Variants in LPP observed in about 807,000 individuals in gnomAD.
The protein encoded by LPP is LIM domain containing preferred translocation partner in lipoma, also known as lipoma-preferred partner.
Under a neutral mutation model 60.4 loss-of-function variants are expected in LPP, and 38 were observed. The ratio of observed to expected loss-of-function variants is 0.63; its 90% CI spans 0.49 to 0.83. LPP has a LOEUF of 0.83. Ranked by LOEUF, LPP falls within the 40% of genes least tolerant of loss-of-function variation. The pLI is 0.00. For synonymous variants in LPP, 328 were observed against 290.8 expected, an observed-to-expected ratio of 1.13 and a Z score of -1.30; for missense variants, 902 against 783.6, an observed-to-expected ratio of 1.15 and a Z score of -1.80.
intron 8 of LPP, among the ~76,000 whole-genome samples, chr3:188,713,351 T>C (rs1712386284): frequency 6.6e-6 from 1 of 151,796 alleles, no homozygotes; most frequent in Non-Finnish European, 1.5e-5. Context: ...AGACATGCCA[T>C]TCAAATGCAA....
intron 2 of LPP, among the ~76,000 whole-genome samples, chr3:188,293,191 C>A (rs1335649886): frequency 1.3e-5 from 2 of 152,190 alleles, no homozygotes; most frequent in Non-Finnish European, 1.5e-5. Flanking sequence ...GCGCACAGCA[C>A]ATTATAGGTA....
chr3:188,589,145 C>A (rs543964894), intron 6 of LPP, among the ~76,000 whole-genome samples: 12 of 151,444 alleles, frequency 7.9e-5, no homozygotes, highest in Non-Finnish European at 1.8e-4. Flanking sequence ...TATATATGTA[C>A]ATATATATGT....
chr3:188,557,154 A>G lies in LPP; in HGVS notation c.429+32367A>G, dbSNP rs910513188. ...CTCTTATGTTGAATTCTTCTCATTC[A>G]TATTTCTATAAACTCAAATAATGGT... is the stretch of plus-strand genomic sequence containing the variant. On this transcript the variant is annotated intron_variant, in intron 6 of 11. Transcript: ENST00000617246. Among the ~76,000 whole-genome samples the G allele has an allele frequency of 2.6e-5, 4 of 152,044 alleles. No individual in the cohort carries two copies. In the East Asian group the frequency reaches 7.8e-4, roughly 30 times the overall value.
chr3:188,708,449 C>T (rs1325874590), intron 8 of LPP, 56 bp downstream of exon 8: 1 of 1,612,670 alleles, frequency 6.2e-7, no homozygotes, highest in Non-Finnish European at 8.5e-7. Flanking sequence ...GATTTCCTTC[C>T]TTAGTAATTG....
At chr3:188,483,325 T>C (rs1288969567) in intron 4 of LPP, among the ~76,000 whole-genome samples, 2 of 152,114 alleles carry the variant, frequency 1.3e-5, no homozygotes, top group African/African-American at 4.8e-5. Context: ...ACTCTTCCAT[T>C]CTTATACTTC....
chr3:188,507,415 G>T (rs1813853995), intron 5 of LPP, among the ~76,000 whole-genome samples: 1 of 151,980 alleles, frequency 6.6e-6, no homozygotes, highest in Admixed American at 6.5e-5. Flanking sequence ...GTTCATGGCA[G>T]TCTGGCATGT....
chr3:188,626,754 T>C (rs2151651858), intron 7 of LPP, among the ~76,000 whole-genome samples: 1 of 152,270 alleles, frequency 6.6e-6, no homozygotes, highest in African/African-American at 2.4e-5. Context: ...TTTCTCCAAA[T>C]ACAGTCACAA....
Position 188,754,861 on chromosome 3 carries a change from T to C in LPP, c.1241-5252T>C, listed in dbSNP as rs184655176. On this transcript the variant is annotated intron_variant, in intron 8 of 11. Coordinates refer to ENST00000617246, the MANE Select transcript of LPP (RefSeq NM_001375462.1). ...GTTAACATCATATGGGCCTGTCATATAAAGAATGCAAACTCATTCTGTTAT... is the reference window on the plus strand; with the variant it reads ...GTTAACATCATATGGGCCTGTCATACAAAGAATGCAAACTCATTCTGTTAT... 3.0e-3 allele frequency among the ~76,000 whole-genome samples: 456 copies of C among 152,332 alleles called. 3 individuals are homozygous for C. Among genetic ancestry groups the C allele is most frequent in the South Asian group, 0.011 (52 of 4,822 alleles).
intron 4 of LPP, among the ~76,000 whole-genome samples, chr3:188,478,805 G>A (rs1390475686): frequency 6.6e-6 from 1 of 152,058 alleles, no homozygotes; most frequent in East Asian, 1.9e-4. Flanking sequence ...GCCTAGGCTG[G>A]AGTACAGTGG....
At chr3:188,498,182 A>G (rs1004567911) in intron 5 of LPP, among the ~76,000 whole-genome samples, 13 of 152,156 alleles carry the variant, frequency 8.5e-5, no homozygotes, top group Admixed American at 5.2e-4. Context: ...TTGTAAAATT[A>G]TGGTAAAATA....
intron 7 of LPP, among the ~76,000 whole-genome samples, chr3:188,697,229 G>C (rs1441986268): frequency 6.6e-6 from 1 of 152,154 alleles, no homozygotes; most frequent in Non-Finnish European, 1.5e-5. Context: ...AAGTGTCTTG[G>C]ATTGCTGAGC....
At chr3:188,702,726 T>A (rs1449693481) in intron 7 of LPP, among the ~76,000 whole-genome samples, 1 of 152,220 alleles carries the variant, frequency 6.6e-6, no homozygotes, top group East Asian at 1.9e-4. Flanking sequence ...TTAAGATTGA[T>A]ACTTACAAGA....
intron 7 of LPP, among the ~76,000 whole-genome samples, chr3:188,690,250 C>T (rs2149463364): frequency 6.6e-6 from 1 of 152,250 alleles, no homozygotes; most frequent in African/African-American, 2.4e-5. Flanking sequence ...TCCTCTGGCT[C>T]CCGAGTCCAG....
At chr3:188,606,723 A>C (rs1842448016) in intron 6 of LPP, among the ~76,000 whole-genome samples, 1 of 152,146 alleles carries the variant, frequency 6.6e-6, no homozygotes, top group African/African-American at 2.4e-5. Context: ...GAGGACGTGG[A>C]AAAGGCATTT....
intron 1 of LPP, among the ~76,000 whole-genome samples, chr3:188,158,380 T>A (rs181507867): frequency 6.6e-6 from 1 of 152,226 alleles, no homozygotes; most frequent in East Asian, 1.9e-4. Flanking sequence ...GCGGAGAACC[T>A]GAGGGCAAGG....
At chr3:188,642,477 T>C (rs1227314847) in intron 7 of LPP, among the ~76,000 whole-genome samples, 1 of 152,142 alleles carries the variant, frequency 6.6e-6, no homozygotes, top group African/African-American at 2.4e-5. Context: ...CCTCATACAG[T>C]ATTTGGTGAA....
At chr3:188,427,016 TGTTA>T (rs942957765) in intron 4 of LPP, among the ~76,000 whole-genome samples, 3 of 152,158 alleles carry the variant, frequency 2.0e-5, no homozygotes, top group African/African-American at 7.2e-5. Flanking sequence ...TTATTTTCCC[TGTTA>T]GTTGATGCAG....
chr3:188,372,495 G>C (rs1346671214), intron 3 of LPP, among the ~76,000 whole-genome samples: 1 of 151,994 alleles, frequency 6.6e-6, no homozygotes, highest in Non-Finnish European at 1.5e-5. Flanking sequence ...GGAGTGTCTT[G>C]TTGTAAGAAA....
chr3:188,609,206 A>G lies in LPP; in HGVS notation c.475A>G (p.Thr159Ala). The stretch of plus-strand genomic sequence containing the variant: ...CTCTCCTCCAGTTTCGACCCCAGTC[A>G]CAGGACACAAGAGAATGGTCATCCC... ...TASPPVSTPV[T>A]GHKRMVIPNQ... Residue 159 changes from threonine (T) to alanine (A), a missense_variant, in exon 7 of 12, where the codon ACA (threonine) becomes GCA (alanine). Transcript: ENST00000617246. The surrounding 1 kb of genome is among the most constrained non-coding windows in gnomAD (Gnocchi z 6.9). 13 of 1,613,730 alleles carry G rather than the reference A, an allele frequency of 8.1e-6. No individual in the cohort carries two copies. Among genetic ancestry groups the G allele is most frequent in the Non-Finnish European group, 1.0e-5 (12 of 1,179,844 alleles).
Sources: allele counts gnomAD v4.1 joint callset (sites outside exome capture counted in the v4.1 genomes callset), GRCh38; gene constraint gnomAD v4.1.1; non-coding constraint Gnocchi (gnomAD v3.1); transcripts MANE v1.5; gene names NCBI Gene and HGNC (gene_info 2026-07-23, HGNC 2026-07-21).